The following CASP5 variants were observed in gnomAD, a reference collection of about 807,000 sequenced individuals.
The protein encoded by CASP5 is caspase-5.
Under a neutral mutation model 45.2 loss-of-function variants are expected in CASP5, and 42 were observed. The observed-to-expected ratio is 0.93, with a 90% CI of 0.73 to 1.20. The LOEUF is 1.20. Ranked by LOEUF, CASP5 falls within the 50% of genes most tolerant of loss-of-function variation. The pLI is 0.00. For missense variants in CASP5, 512 were observed against 532.2 expected (o/e 0.96, Z 0.37); for synonymous variants, 209 against 186.2 (o/e 1.12, Z -1.00).
In CASP5 at chr11:105,008,881, T is replaced by C; in HGVS notation, c.107A>G (p.Lys36Arg). 1 of 1,613,272 alleles carries C rather than the reference T, an allele frequency of 6.2e-7. No homozygotes were observed. Among genetic ancestry groups the C allele is most frequent in the Non-Finnish European group, 8.5e-7 (1 of 1,179,382 alleles). ...AGATGTTTGTCCAGCCACGTTGTTC[T>C]TTAGCATGTGGTTTATCACGAAGTT... Reference protein sequence around the residue: ...LDNFVINHMLKNNVAGQTSIQ... With the variant: ...LDNFVINHMLRNNVAGQTSIQ... Residue 36 changes from lysine to arginine, a missense_variant, in exon 2 of 10, where the codon AAG becomes AGG. Physicochemically the swap from Lys to Arg is conservative, Grantham distance 26 (BLOSUM62 2). Coordinates refer to ENST00000260315, the MANE Select transcript of CASP5 (RefSeq NM_004347.5).
chr11:105,009,862 TACATATATATACAC>T (rs1206408155), intron 1 of CASP5, among the ~76,000 whole-genome samples: 2 of 138,684 alleles, frequency 1.4e-5, no homozygotes, highest in African/African-American at 5.6e-5. Flanking sequence ...CACATATATA[TACATATATATACAC>T]ACATATATAT....
In CASP5 at chr11:105,008,789, TA is replaced by T; in HGVS notation, c.181+17del. On this transcript the variant is annotated intron_variant, in intron 2 of 9. Transcript: ENST00000260315. ...TCTAAAAAATTGGAAATATCCATTG[TA>T]AAATATCCAGTCTTACTTTTTACAC... 1 of 1,567,918 alleles carries T rather than the reference TA, an allele frequency of 6.4e-7. No individual in the cohort carries two copies. Among genetic ancestry groups the T allele is most frequent in the Admixed American group, 1.7e-5 (1 of 58,646 alleles).
rs140164381 is a variant in CASP5 at position 104,998,977 on chromosome 11, A to G, written c.1004T>C (p.Ile335Thr). The G allele has an allele frequency of 2.5e-6, 4 of 1,613,814 alleles. No individual in the cohort carries two copies. Among genetic ancestry groups the G allele is most frequent in the Non-Finnish European group, 3.4e-6 (4 of 1,179,768 alleles). The part of the protein sequence containing the change: ...VRDSPASLAL[I>T]SSQSSENLEA... ...CAGGTTCTCAGATGACTGTGAAGAG[A>G]TGAGTGCCAAGGATGCTGGAGAGTC... Residue 335 changes from isoleucine (I) to threonine (T), a missense_variant, in exon 7 of 10, where the codon ATC (isoleucine) becomes ACC (threonine). Ile to Thr is a moderately conservative substitution (Grantham distance 89). Transcript: ENST00000260315.
intron 1 of CASP5, among the ~76,000 whole-genome samples, chr11:105,009,401 G>C (rs1862161189): frequency 6.6e-6 from 1 of 151,354 alleles, no homozygotes; most frequent in African/African-American, 2.4e-5. Context: ...TCTGTATTTA[G>C]CTTCCTTGGT....
At chr11:105,005,552 T>C (rs1861962627) in intron 3 of CASP5, among the ~76,000 whole-genome samples, 1 of 152,142 alleles carries the variant, frequency 6.6e-6, no homozygotes, top group Non-Finnish European at 1.5e-5. Context: ...AGCTTCCTGG[T>C]CTGCTGTGCC....
chr11:105,002,226 C>CT (rs1225806732), intron 4 of CASP5, 25 bp from the exon 5 acceptor site: 1 of 1,610,118 alleles, frequency 6.2e-7, no homozygotes, highest in African/African-American at 1.3e-5. Context: ...GATGAAGCAA[C>CT]TTTGATTACC....
At chr11:105,017,327 GAGA>G (rs1480217792) in intron 1 of CASP5, among the ~76,000 whole-genome samples, 1 of 152,222 alleles carries the variant, frequency 6.6e-6, no homozygotes, top group African/African-American at 2.4e-5. Context: ...GACAAGCTGA[GAGA>G]AGAAGGCTTC....
At chr11:105,023,005 AG>A in intron 1 of CASP5, 124 bp downstream of exon 1, 1 of 855,122 alleles carries the variant, frequency 1.2e-6, no homozygotes, top group Non-Finnish European at 1.9e-6. Context: ...AATAAGAGAA[AG>A]ATTCAGCATG....
intron 3 of CASP5, among the ~76,000 whole-genome samples, chr11:105,004,293 C>T (rs1861896030): frequency 6.6e-6 from 1 of 152,126 alleles, no homozygotes; most frequent in African/African-American, 2.4e-5. Context: ...CACTGTCCAA[C>T]TCATATTTTA....
At chr11:105,020,934 C>G (rs1862922318) in intron 1 of CASP5, among the ~76,000 whole-genome samples, 1 of 152,112 alleles carries the variant, frequency 6.6e-6, no homozygotes, top group Admixed American at 6.5e-5. Flanking sequence ...GTAACCAAAA[C>G]AGCATGGTAC....
chr11:105,009,771 G>T lies in CASP5; in HGVS notation c.8-791C>A, dbSNP rs867197614. Among the ~76,000 whole-genome samples the T allele has an allele frequency of 1.0e-4, 9 of 88,482 alleles. No individual in the cohort carries two copies. The South Asian group carries it at 1.9e-3, about 19-fold the overall frequency. The allele number at this position is 88,482 out of a possible 152,430, so 58.0% of individuals were successfully genotyped here. A position where few individuals can be genotyped will look rare whatever the true frequency, so the allele number is the denominator to read the frequency against. On this transcript the variant is annotated intron_variant, in intron 1 of 9. Transcript: ENST00000260315. ...TATATATATATATACACACACACAC[G>T]TATATATATATATATACACACGTAT...
intron 5 of CASP5, among the ~76,000 whole-genome samples, chr11:105,001,803 T>A (rs143696150): frequency 6.6e-6 from 1 of 152,316 alleles, no homozygotes; most frequent in East Asian, 1.9e-4. Flanking sequence ...CAATCATATT[T>A]TGTCTAGTTT....
At chr11:105,021,223 C>T (rs1290611553) in intron 1 of CASP5, among the ~76,000 whole-genome samples, 1 of 151,186 alleles carries the variant, frequency 6.6e-6, no homozygotes. Context: ...AAAACCTAGA[C>T]ATTACCATTC....
At chr11:105,010,406 TATC>T (rs71965394) in intron 1 of CASP5, among the ~76,000 whole-genome samples, 36,871 of 143,288 alleles carry the variant, frequency 0.26, 4,734 homozygotes, top group Non-Finnish European at 0.28. Context: ...AATCAGTAAT[TATC>T]ATTATTATTA....
chr11:104,999,559 G>A (rs1326605657), intron 6 of CASP5, among the ~76,000 whole-genome samples: 2 of 152,052 alleles, frequency 1.3e-5, no homozygotes, highest in African/African-American at 4.8e-5. Context: ...ATTTTTCAGT[G>A]TTCTTTCTAA....
intron 2 of CASP5, among the ~76,000 whole-genome samples, chr11:105,008,454 G>A (rs45507492): frequency 0.015 from 2,305 of 152,066 alleles, 49 homozygotes; most frequent in African/African-American, 0.051. Flanking sequence ...TTTCATAGAT[G>A]GTAAGACTGA....
chr11:105,018,639 AC>A (rs1360836935), intron 1 of CASP5, among the ~76,000 whole-genome samples: 23 of 143,192 alleles, frequency 1.6e-4, no homozygotes, highest in Admixed American at 3.6e-4. Context: ...ATACAGGAGC[AC>A]CCAGATTCAT....
chr11:105,015,654 G>A (rs369736174), intron 1 of CASP5, among the ~76,000 whole-genome samples: 4 of 151,572 alleles, frequency 2.6e-5, no homozygotes, highest in African/African-American at 7.3e-5. Flanking sequence ...TCCAGTCTAC[G>A]ACCAGTAAAG....
At chr11:105,001,932 G>A in intron 5 of CASP5, 96 bp downstream of exon 5, 1 of 1,238,120 alleles carries the variant, frequency 8.1e-7, no homozygotes, top group South Asian at 1.4e-5. Flanking sequence ...GAACCCAGAG[G>A]TTGTTAAACC....
Sources: allele counts gnomAD v4.1 joint callset (sites outside exome capture counted in the v4.1 genomes callset), GRCh38; gene constraint gnomAD v4.1.1; transcripts MANE v1.5; gene names NCBI Gene and HGNC (gene_info 2026-07-23, HGNC 2026-07-21).